The following PTPRK variants were observed in gnomAD, a reference collection of about 807,000 sequenced individuals.
The protein encoded by PTPRK is protein tyrosine phosphatase receptor type K, also known as receptor-type tyrosine-protein phosphatase kappa.
Under a neutral mutation model 178.0 loss-of-function variants are expected in PTPRK, and 75 were observed. The observed-to-expected ratio is 0.42, with a 90% CI of 0.35 to 0.51. The LOEUF (loss-of-function observed/expected upper bound fraction) is 0.51, where lower values mean the gene tolerates loss of function less well. Among genes scored for constraint, PTPRK ranks in the 20% least tolerant of loss-of-function variants. The pLI is 0.02. For missense variants in PTPRK, 1,441 were observed against 1,797.8 expected (o/e 0.80, Z 3.59); for synonymous variants, 637 against 620.6 (o/e 1.03, Z -0.39).
intron 7 of PTPRK, among the ~76,000 whole-genome samples, chr6:128,177,513 T>C (rs1442111130): frequency 6.6e-6 from 1 of 151,784 alleles, no homozygotes; most frequent in Non-Finnish European, 1.5e-5. Context: ...ATAAATACAG[T>C]GTCATTAACA....
At chr6:128,432,652 A>G (rs1377298924) in intron 1 of PTPRK, among the ~76,000 whole-genome samples, 1 of 152,118 alleles carries the variant, frequency 6.6e-6, no homozygotes, top group Non-Finnish European at 1.5e-5. Flanking sequence ...TATCCTCACA[A>G]AGGGCTCAGC....
chr6:128,278,123 T>TTTTATTTATTTATTTA (rs201597116), intron 3 of PTPRK, among the ~76,000 whole-genome samples: 2 of 143,658 alleles, frequency 1.4e-5, no homozygotes, highest in African/African-American at 2.6e-5. Flanking sequence ...TTTTTGTGTT[T>TTTTATTTATTTATTTA]TTTATTTATT....
intron 1 of PTPRK, among the ~76,000 whole-genome samples, chr6:128,473,737 G>A (rs575527492): frequency 3.3e-5 from 5 of 152,040 alleles, no homozygotes; most frequent in South Asian, 2.1e-4. Flanking sequence ...ATGCCTGAAC[G>A]AATGTTCTGA....
chr6:128,077,383 T>A (rs1784024971), intron 11 of PTPRK, among the ~76,000 whole-genome samples: 1 of 152,034 alleles, frequency 6.6e-6, no homozygotes, highest in Admixed American at 6.6e-5. Flanking sequence ...CTCAGCCAAC[T>A]CTTTTTCTCT....
chr6:128,063,844 GA>G (rs912451849), intron 13 of PTPRK, among the ~76,000 whole-genome samples: 1 of 152,140 alleles, frequency 6.6e-6, no homozygotes, highest in African/African-American at 2.4e-5. Flanking sequence ...GCAGACTGAT[GA>G]TTAGATGGAG....
At chr6:128,292,745 T>C (rs973773424) in intron 3 of PTPRK, among the ~76,000 whole-genome samples, 1 of 152,148 alleles carries the variant, frequency 6.6e-6, no homozygotes, top group African/African-American at 2.4e-5. Context: ...AACTAGTACA[T>C]TGACATATAT....
At position 127,970,211 on chromosome 6, in the gene PTPRK, A is replaced by G. The variant is rs1773750032; in HGVS notation, c.*16T>C. ...ACAGGTTTCTTCATGGATGCACTTT[A>G]AAGAGTCTCACCCAACTAAGATGAT... On this transcript the variant is annotated 3_prime_UTR_variant, in exon 30 of 30. Transcript: ENST00000368226. 1 of 1,595,152 alleles carries G rather than the reference A, an allele frequency of 6.3e-7. No individual in the cohort carries two copies. The highest frequency in any genetic ancestry group is 1.7e-4 in the Middle Eastern group (1 of 6,016).
At chr6:128,017,818 A>G (rs1333793290) in intron 13 of PTPRK, among the ~76,000 whole-genome samples, 2 of 139,312 alleles carry the variant, frequency 1.4e-5, no homozygotes, top group East Asian at 2.1e-4. Flanking sequence ...ATATATATAT[A>G]TATATATATA....
intron 1 of PTPRK, among the ~76,000 whole-genome samples, chr6:128,408,619 A>T (rs1233594364): frequency 6.6e-6 from 1 of 152,180 alleles, no homozygotes; most frequent in Non-Finnish European, 1.5e-5. Context: ...TTGTTAATAT[A>T]CTTGCCCTAT....
At chr6:128,078,609 TTTA>T (rs1415651535) in intron 11 of PTPRK, among the ~76,000 whole-genome samples, 1 of 152,022 alleles carries the variant, frequency 6.6e-6, no homozygotes, top group Non-Finnish European at 1.5e-5. Context: ...GTTGTTCTAT[TTTA>T]TTATTAGTTA....
At chr6:128,517,405 T>G (rs970286592) in intron 1 of PTPRK, among the ~76,000 whole-genome samples, 2 of 152,190 alleles carry the variant, frequency 1.3e-5, no homozygotes, top group Admixed American at 1.3e-4. Flanking sequence ...CTTTCTTACA[T>G]TATATCAAGA....
At chr6:127,973,633 C>A in intron 28 of PTPRK, 31 bp downstream of exon 28, 4 of 1,608,460 alleles carry the variant, frequency 2.5e-6, no homozygotes, top group Non-Finnish European at 3.4e-6. Context: ...ACCAAGGCCC[C>A]ATGAATGACA....
chr6:128,191,145 AAAG>A lies in PTPRK; in HGVS notation c.869-6423_869-6421del, dbSNP rs1803721696. ...AGAAAACTTTAGATAAAAGGGGAAAAAAGAATTACAAATAATAAAGTATCTATT... is the reference window on the plus strand; with the variant it reads ...AGAAAACTTTAGATAAAAGGGGAAAAAATTACAAATAATAAAGTATCTATT... On this transcript the variant is annotated intron_variant, in intron 6 of 29. Transcript: ENST00000368226. Among the ~76,000 whole-genome samples the A allele has an allele frequency of 2.0e-5, 3 of 152,300 alleles. No individual in the cohort carries two copies. In the South Asian group the frequency reaches 6.2e-4, roughly 32 times the overall value.
chr6:128,471,768 C>T (rs970603624), intron 1 of PTPRK, among the ~76,000 whole-genome samples: 1 of 151,756 alleles, frequency 6.6e-6, no homozygotes, highest in Non-Finnish European at 1.5e-5. Context: ...GTGGAGTGTG[C>T]ATGAAGTTAA....
chr6:128,437,533 G>A (rs1250461937), intron 1 of PTPRK, among the ~76,000 whole-genome samples: 3 of 151,984 alleles, frequency 2.0e-5, no homozygotes, highest in African/African-American at 7.3e-5. Context: ...ACCCTTTTCC[G>A]GTGACATTAC....
chr6:128,211,540 T>A (rs1453238192), intron 6 of PTPRK, among the ~76,000 whole-genome samples: 1 of 152,134 alleles, frequency 6.6e-6, no homozygotes. Context: ...AATAATTACA[T>A]ATTATTATTT....
At chr6:128,452,188 A>G (rs1271201453) in intron 1 of PTPRK, among the ~76,000 whole-genome samples, 1 of 152,116 alleles carries the variant, frequency 6.6e-6, no homozygotes, top group Non-Finnish European at 1.5e-5. Flanking sequence ...ATCTCTGCTT[A>G]TCTTATTTCA....
chr6:128,078,458 C>A (rs1350519930), intron 11 of PTPRK, among the ~76,000 whole-genome samples: 3 of 151,866 alleles, frequency 2.0e-5, no homozygotes, highest in Non-Finnish European at 2.9e-5. Context: ...ACCCCCCAAC[C>A]CTGCCTACCT....
chr6:128,185,739 G>C (rs911858801), intron 6 of PTPRK, among the ~76,000 whole-genome samples: 1 of 152,046 alleles, frequency 6.6e-6, no homozygotes, highest in African/African-American at 2.4e-5. Flanking sequence ...TGCTCCCTCA[G>C]TCCAACCCAC....
Sources: gnomAD v4.1 joint callset for allele counts (sites outside exome capture counted in the v4.1 genomes callset) on GRCh38, gnomAD v4.1.1 for gene constraint, MANE v1.5 for transcripts, NCBI Gene and HGNC (gene_info 2026-07-23, HGNC 2026-07-21) for gene names.